The following GRIN2A variants were observed in gnomAD, a reference collection of about 807,000 sequenced individuals.
GRIN2A encodes glutamate ionotropic receptor NMDA type subunit 2A, also known as glutamate receptor ionotropic, NMDA 2A.
A neutral mutation model predicts 113.4 loss-of-function variants in GRIN2A; 22 were observed. The ratio of observed to expected loss-of-function variants is 0.19; its 90% CI spans 0.14 to 0.28. GRIN2A has a LOEUF of 0.28. Ranked by LOEUF, GRIN2A falls within the 10% of genes least tolerant of loss-of-function variation. The pLI is 1.00. For synonymous variants in GRIN2A, 827 were observed against 738.4 expected (o/e 1.12, Z -1.94); for missense variants, 1,502 against 1,887.0 (o/e 0.80, Z 3.78).
chr16:10,071,225 A>G (rs2047744128), intron 2 of GRIN2A, among the ~76,000 whole-genome samples: 1 of 152,258 alleles, frequency 6.6e-6, no homozygotes, highest in Non-Finnish European at 1.5e-5. Context: ...AGGTAGAATC[A>G]TGCAGACACA....
At chr16:9,937,713 G>A (rs2044744985) in intron 3 of GRIN2A, 1 of 533,532 alleles carries the variant, frequency 1.9e-6, no homozygotes, top group East Asian at 3.3e-5. Flanking sequence ...AATCCCAGGT[G>A]TAGGTTTCCA....
Position 9,822,296 on chromosome 16 carries a change from T to C in GRIN2A, c.2136A>G (p.Gly712=), listed in dbSNP as rs766198979. 2 of 1,613,604 alleles carry C rather than the reference T, an allele frequency of 1.2e-6. No homozygotes were observed. The highest frequency in any genetic ancestry group is 1.7e-6 in the Non-Finnish European group (2 of 1,179,528). The part of the protein sequence containing the change: ...HQYMTKFNQK[G]VEDALVSLKT... ...TCAGGCTGACCAAGGCGTCCTCTACTCCTTTCTGATTAAATTTGGTCATGT... is the reference window on the plus strand; with the variant it reads ...TCAGGCTGACCAAGGCGTCCTCTACCCCTTTCTGATTAAATTTGGTCATGT... The change falls in exon 10 of 13, where the codon GGA becomes GGG. Residue 712 remains glycine, a synonymous_variant. Coordinates refer to ENST00000330684, the MANE Select transcript of GRIN2A (RefSeq NM_001134407.3).
intron 2 of GRIN2A, among the ~76,000 whole-genome samples, chr16:10,094,296 C>A (rs1429866530): frequency 6.6e-6 from 1 of 152,154 alleles, no homozygotes; most frequent in African/African-American, 2.4e-5. Flanking sequence ...GAGTTACAGG[C>A]TCAGTTCTGC....
chr16:9,953,705 C>T (rs1253170563), intron 2 of GRIN2A, among the ~76,000 whole-genome samples: 2 of 152,054 alleles, frequency 1.3e-5, no homozygotes, highest in African/African-American at 2.4e-5. Flanking sequence ...CCGGGGAATG[C>T]GATAACTTAG....
chr16:10,104,811 G>A (rs983004092), intron 2 of GRIN2A, among the ~76,000 whole-genome samples: 3 of 152,118 alleles, frequency 2.0e-5, no homozygotes, highest in African/African-American at 7.2e-5. Flanking sequence ...CGCAGTCGAC[G>A]GCAGGGTATG....
intron 2 of GRIN2A, among the ~76,000 whole-genome samples, chr16:10,151,753 T>A (rs1343667367): frequency 1.3e-5 from 2 of 152,148 alleles, no homozygotes; most frequent in African/African-American, 4.8e-5. Context: ...ATCCATTAAC[T>A]TAGTCTCTAC....
chr16:9,843,093 GAGAA>G (rs2042711624), intron 5 of GRIN2A, among the ~76,000 whole-genome samples: 1 of 151,704 alleles, frequency 6.6e-6, no homozygotes, highest in African/African-American at 2.4e-5. Context: ...GAGAAAGAAA[GAGAA>G]AGAAATAAAG....
intron 5 of GRIN2A, among the ~76,000 whole-genome samples, chr16:9,846,039 T>C (rs1340932275): frequency 6.6e-6 from 1 of 152,266 alleles, no homozygotes; most frequent in Non-Finnish European, 1.5e-5. Flanking sequence ...ATAACAATTT[T>C]ACTTATAACA....
intron 3 of GRIN2A, among the ~76,000 whole-genome samples, chr16:9,927,429 G>C (rs1458362741): frequency 6.6e-6 from 1 of 152,166 alleles, no homozygotes; most frequent in Non-Finnish European, 1.5e-5. Context: ...GAGGTAACGA[G>C]GAAGTCAGTT....
At chr16:9,772,497 A>G (rs1255597829) in intron 11 of GRIN2A, among the ~76,000 whole-genome samples, 1 of 152,114 alleles carries the variant, frequency 6.6e-6, no homozygotes, top group Non-Finnish European at 1.5e-5. Flanking sequence ...TCAGCCTCCG[A>G]AGTAGTTGGG....
Position 9,764,677 on chromosome 16 carries a change from A to G in GRIN2A, c.2867T>C (p.Phe956Ser). ...TTGGAGTTCGTTCATGTTGTCTCCAAAAATGCTCTCTTTCCCCTGAAAGGA... is the reference window on the plus strand; with the variant it reads ...TTGGAGTTCGTTCATGTTGTCTCCAGAAATGCTCTCTTTCCCCTGAAAGGA... ...NRSFQGKESI[F>S]GDNMNELQTF... is the part of the protein sequence containing the mutation. The change falls in exon 13 of 13, where the codon TTT becomes TCT. Residue 956 changes from phenylalanine to serine, a missense_variant. Transcript: ENST00000330684. 1 of 1,614,206 alleles carries G rather than the reference A, an allele frequency of 6.2e-7. No individual in the cohort carries two copies. The highest frequency in any genetic ancestry group is 8.5e-7 in the Non-Finnish European group (1 of 1,180,026).
intron 2 of GRIN2A, among the ~76,000 whole-genome samples, chr16:10,138,824 A>G (rs2049259035): frequency 6.6e-6 from 1 of 152,216 alleles, no homozygotes; most frequent in African/African-American, 2.4e-5. Flanking sequence ...TATCATTATC[A>G]TTATTACTAT....
intron 11 of GRIN2A, among the ~76,000 whole-genome samples, chr16:9,782,688 T>C (rs1484771838): frequency 6.6e-6 from 1 of 152,218 alleles, no homozygotes; most frequent in Admixed American, 6.5e-5. Context: ...TGGTGTTGGA[T>C]TGATAACAGA....
intron 2 of GRIN2A, among the ~76,000 whole-genome samples, chr16:10,039,808 G>GGGGAGAGAGAGA (rs1555469298): frequency 1.6e-5 from 1 of 63,824 alleles, no homozygotes; most frequent in African/African-American, 7.8e-5. Flanking sequence ...GGGAGGGGGG[G>GGGGAGAGAGAGA]GAGAAAGAGA....
chr16:10,159,580 C>A (rs1200977308), intron 2 of GRIN2A, among the ~76,000 whole-genome samples: 1 of 152,148 alleles, frequency 6.6e-6, no homozygotes, highest in Non-Finnish European at 1.5e-5. Context: ...TGACTCCTGA[C>A]TTCCAACAAG....
At chr16:9,775,646 C>T (rs1190730202) in intron 11 of GRIN2A, among the ~76,000 whole-genome samples, 1 of 152,126 alleles carries the variant, frequency 6.6e-6, no homozygotes, top group Non-Finnish European at 1.5e-5. Flanking sequence ...AGGAGGAGCC[C>T]GAAGAGTAGA....
At chr16:10,156,556 C>A (rs1261875742) in intron 2 of GRIN2A, among the ~76,000 whole-genome samples, 2 of 152,156 alleles carry the variant, frequency 1.3e-5, no homozygotes, top group South Asian at 4.2e-4. Context: ...ATGGCTACAG[C>A]AAGGGTATAG....
chr16:9,820,124 G>C (rs1268298297), intron 10 of GRIN2A, among the ~76,000 whole-genome samples: 1 of 151,850 alleles, frequency 6.6e-6, no homozygotes, highest in Non-Finnish European at 1.5e-5. Flanking sequence ...GCCACGAATG[G>C]TTTCCATTTC....
intron 2 of GRIN2A, chr16:9,970,991 T>C (rs556847758): frequency 1.3e-5 from 2 of 152,208 alleles, no homozygotes; most frequent in East Asian, 1.9e-4. Flanking sequence ...TAGATAGTCA[T>C]TTGAGAGGCA....
Sources: gnomAD v4.1 joint callset for allele counts (sites outside exome capture counted in the v4.1 genomes callset) on GRCh38, gnomAD v4.1.1 for gene constraint, MANE v1.5 for transcripts, NCBI Gene and HGNC (gene_info 2026-07-23, HGNC 2026-07-21) for gene names.